The following PLAC8L1 variants were observed in gnomAD, a reference collection of about 807,000 sequenced individuals.
PLAC8L1 encodes the protein PLAC8 like 1.
In PLAC8L1, 13 loss-of-function variants were observed where a neutral mutation model predicts 16.3. The ratio of observed to expected loss-of-function variants is 0.80; its 90% CI spans 0.52 to 1.27. The LOEUF is 1.27. PLAC8L1 is among the 50% of genes most tolerant of loss of function. The probability of loss-of-function intolerance (pLI) is 0.00; values close to 1 mark genes in which losing one functional copy is unlikely to be tolerated. For synonymous variants in PLAC8L1, 78 were observed against 79.3 expected, an observed-to-expected ratio of 0.98 and a Z score of 0.09; for missense variants, 184 against 220.2, an observed-to-expected ratio of 0.84 and a Z score of 1.04.
In PLAC8L1 at chr5:146,105,278, T is replaced by C. The variant is rs1480819277; in HGVS notation, c.-967A>G. 6.6e-6 allele frequency among the ~76,000 whole-genome samples: 1 copy of C among 152,158 alleles called. No individual in the cohort carries two copies. Among genetic ancestry groups the C allele is most frequent in the Admixed American group, 6.5e-5 (1 of 15,280 alleles). Reference sequence around the variant, plus strand: ...GCTTAGGGTTCTGAACTTCAAAGCATTTATTGAACCAGGTTGTTAGGAAAA... The same window carrying C: ...GCTTAGGGTTCTGAACTTCAAAGCACTTATTGAACCAGGTTGTTAGGAAAA... On this transcript the variant is annotated 5_prime_UTR_variant, in exon 1 of 4. It removes an upstream start codon present in the reference 5' UTR. Transcript: ENST00000311450.
At chr5:146,102,454 C>T (rs183456950) in intron 1 of PLAC8L1, among the ~76,000 whole-genome samples, 1 of 152,306 alleles carries the variant, frequency 6.6e-6, no homozygotes, top group African/African-American at 2.4e-5. Flanking sequence ...CACTGAGTAC[C>T]TTCCATGTAC....
At chr5:146,094,767 T>C (rs1763682924) in intron 2 of PLAC8L1, among the ~76,000 whole-genome samples, 1 of 152,118 alleles carries the variant, frequency 6.6e-6, no homozygotes, top group Non-Finnish European at 1.5e-5. Context: ...AAATACATAA[T>C]TACAATAAAA....
chr5:146,090,030 G>A (rs548800118), intron 2 of PLAC8L1, among the ~76,000 whole-genome samples: 3 of 151,866 alleles, frequency 2.0e-5, no homozygotes, highest in African/African-American at 7.2e-5. Context: ...GAGCCACAGC[G>A]CCCAGCCTCA....
chr5:146,104,315 G>A lies in PLAC8L1; in HGVS notation c.-4C>T, dbSNP rs1167752629. 47 of 1,598,118 alleles carry A rather than the reference G, an allele frequency of 2.9e-5. No individual in the cohort carries two copies. The highest frequency in any genetic ancestry group is 3.8e-5 in the Non-Finnish European group (44 of 1,165,614). ...AGTTACTTCCAAACCAATTCATAGTGAGAAGTGTTTTCTTGTCCTTTGGGC... is the reference window on the plus strand; with the variant it reads ...AGTTACTTCCAAACCAATTCATAGTAAGAAGTGTTTTCTTGTCCTTTGGGC... On this transcript the variant is annotated 5_prime_UTR_variant, in exon 1 of 4. Coordinates refer to ENST00000311450, the MANE Select transcript of PLAC8L1 (RefSeq NM_001029869.3).
rs556441207 is a variant in PLAC8L1 at position 146,101,145 on chromosome 5, C to T, written c.120-2853G>A. On this transcript the variant is annotated intron_variant, in intron 1 of 3. Transcript: ENST00000311450. ...CTGGGAGGAAGAGGCTGCAATGAGC[C>T]GAGATTGCACCACTGCATTCCAGCC... 4.1e-5 allele frequency among the ~76,000 whole-genome samples: 6 copies of T among 144,894 alleles called. No homozygotes were observed. In the East Asian group the frequency reaches 1.2e-3, roughly 29 times the overall value.
At chr5:146,089,654 A>G (rs1229308574) in intron 2 of PLAC8L1, among the ~76,000 whole-genome samples, 2 of 151,242 alleles carry the variant, frequency 1.3e-5, no homozygotes, top group African/African-American at 4.9e-5. Flanking sequence ...GTAGTTGTGG[A>G]TTGGTGTGCT....
rs1159360389 is a variant in PLAC8L1 at position 146,105,524 on chromosome 5, T to C, written c.-1213A>G. 8.3e-6 allele frequency among the ~76,000 whole-genome samples: 1 copy of C among 119,848 alleles called. No homozygotes were observed. The highest frequency in any genetic ancestry group is 3.1e-5 in the African/African-American group (1 of 31,954). 78.6% of individuals were successfully genotyped at this position (119,848 alleles called of 152,430 possible). On this transcript the variant is annotated 5_prime_UTR_variant, in exon 1 of 4. An upstream start codon of the reference 5' UTR is lost. Coordinates refer to ENST00000311450, the MANE Select transcript of PLAC8L1 (RefSeq NM_001029869.3). The stretch of plus-strand genomic sequence containing the variant: ...ATTTGTTGAATAAATGTGCCCTACA[T>C]GAAAATTCAGGTTTATAAGAATAAC...
In PLAC8L1 at chr5:146,105,237, C is replaced by T. The variant is rs1020439708; in HGVS notation, c.-926G>A. On this transcript the variant is annotated 5_prime_UTR_variant, in exon 1 of 4. Transcript: ENST00000311450. ...TATATCATATATTCTTTTCATCAGA[C>T]CCATAGAGAATGGTTGCTTAGGGTT... Among the ~76,000 whole-genome samples, 3 of 152,064 alleles carry T rather than the reference C, an allele frequency of 2.0e-5. No individual in the cohort carries two copies. The highest frequency in any genetic ancestry group is 7.2e-5 in the African/African-American group (3 of 41,402).
At chr5:146,092,835 C>T (rs562819118) in intron 2 of PLAC8L1, among the ~76,000 whole-genome samples, 91 of 152,110 alleles carry the variant, frequency 6.0e-4, no homozygotes, top group African/African-American at 2.1e-3. Flanking sequence ...CGCACCCGGC[C>T]GAATTTGCCA....
rs759246223 is a variant in PLAC8L1 at position 146,093,668 on chromosome 5, G to C, written c.256+4488C>G. Among the ~76,000 whole-genome samples, 72 of 152,218 alleles carry C rather than the reference G, an allele frequency of 4.7e-4. 1 individual carries two copies. Among genetic ancestry groups the C allele is most frequent in the Non-Finnish European group, 1.5e-5 (1 of 68,038 alleles). On this transcript the variant is annotated intron_variant, in intron 2 of 3. Coordinates refer to ENST00000311450, the MANE Select transcript of PLAC8L1 (RefSeq NM_001029869.3). ...GGTCTAAATGCTCTGCTGGGCGTCA[G>C]AGCATTGAACAAGAAAACTGGTCCC...
At chr5:146,092,869 T>G (rs1447985471) in intron 2 of PLAC8L1, among the ~76,000 whole-genome samples, 1 of 152,082 alleles carries the variant, frequency 6.6e-6, no homozygotes, top group Non-Finnish European at 1.5e-5. Context: ...TAGCTCCAGA[T>G]ATGTTGATAT....
chr5:146,099,402 C>T (rs1179570835), intron 1 of PLAC8L1: 1 of 152,244 alleles, frequency 6.6e-6, no homozygotes, highest in Non-Finnish European at 1.5e-5. Flanking sequence ...CGGCTCATGC[C>T]TGTAATCCCA....
intron 1 of PLAC8L1, among the ~76,000 whole-genome samples, chr5:146,099,641 A>T (rs904050080): frequency 6.9e-6 from 1 of 145,488 alleles, no homozygotes; most frequent in Non-Finnish European, 1.5e-5. Context: ...CCTGGGTGAC[A>T]GAGCAAGACT....
rs756629779 is a variant in PLAC8L1 at position 146,098,253 on chromosome 5, A to G, written c.159T>C (p.Val53=). The change falls in exon 2 of 4, where the codon GTT becomes GTC. Residue 53 remains valine (V), a synonymous_variant. Coordinates refer to ENST00000311450, the MANE Select transcript of PLAC8L1 (RefSeq NM_001029869.3). ...TTGTCGTCCTGCCACTGGCTCCCCG[A>G]ACAGGCTGCTTCACCACAGCGCTGG... ...VPASAVVKQP[V]RGASGRTTIT... is the part of the protein sequence containing the mutation. The G allele has an allele frequency of 2.5e-5, 41 of 1,614,048 alleles. No individual in the cohort carries two copies. In the East Asian group the frequency reaches 8.0e-4, roughly 32 times the overall value.
In PLAC8L1 at chr5:146,096,812, C is replaced by T. The variant is rs776241076; in HGVS notation, c.256+1344G>A. 5.1e-4 allele frequency among the ~76,000 whole-genome samples: 78 copies of T among 152,186 alleles called. 1 individual carries two copies. The highest frequency in any genetic ancestry group is 2.6e-4 in the Admixed American group (4 of 15,278). ...GTGACTACCAAAGTCATGAAAAGAGCAGAGAATCAGGAAGAATTCTGAGAG... is the reference window on the plus strand; with the variant it reads ...GTGACTACCAAAGTCATGAAAAGAGTAGAGAATCAGGAAGAATTCTGAGAG... On this transcript the variant is annotated intron_variant, in intron 2 of 3. Coordinates refer to ENST00000311450, the MANE Select transcript of PLAC8L1 (RefSeq NM_001029869.3).
At chr5:146,087,861 G>C (rs974030141) in intron 2 of PLAC8L1, among the ~76,000 whole-genome samples, 1 of 152,206 alleles carries the variant, frequency 6.6e-6, no homozygotes, top group Non-Finnish European at 1.5e-5. Flanking sequence ...CTAAGGAGAA[G>C]CAGGCTTGTC....
chr5:146,092,918 CTTCT>C (rs1033555379), intron 2 of PLAC8L1, among the ~76,000 whole-genome samples: 1 of 151,776 alleles, frequency 6.6e-6, no homozygotes, highest in Non-Finnish European at 1.5e-5. Flanking sequence ...TCCTTTTATA[CTTCT>C]TTCAGAAGAA....
At chr5:146,090,637 G>C (rs1324015912) in intron 2 of PLAC8L1, among the ~76,000 whole-genome samples, 1 of 152,180 alleles carries the variant, frequency 6.6e-6, no homozygotes, top group African/African-American at 2.4e-5. Flanking sequence ...ATATGGGCAG[G>C]TAATCCACTT....
intron 1 of PLAC8L1, among the ~76,000 whole-genome samples, chr5:146,101,962 T>C (rs1196442307): frequency 6.6e-6 from 1 of 152,136 alleles, no homozygotes; most frequent in African/African-American, 2.4e-5. Context: ...TGCTGTATTC[T>C]ATCCATTCCA....
Sources: gnomAD v4.1 joint callset for allele counts (sites outside exome capture counted in the v4.1 genomes callset) on GRCh38, gnomAD v4.1.1 for gene constraint, MANE v1.5 for transcripts, NCBI Gene and HGNC (gene_info 2026-07-23, HGNC 2026-07-21) for gene names.